The following HIPK3 variants were observed in gnomAD, a reference collection of about 807,000 sequenced individuals.
HIPK3 encodes the protein homeodomain-interacting protein kinase 3.
A neutral mutation model predicts 124.2 loss-of-function variants in HIPK3; 47 were observed. The ratio of observed to expected loss-of-function variants is 0.38; its 90% CI spans 0.30 to 0.48. The LOEUF (loss-of-function observed/expected upper bound fraction) is 0.48. Among genes scored for constraint, HIPK3 ranks in the 20% least tolerant of loss-of-function variants. The probability of loss-of-function intolerance (pLI) is 0.98; values close to 1 mark genes in which losing one functional copy is unlikely to be tolerated. For missense variants in HIPK3, 1,286 were observed against 1,454.3 expected (o/e 0.88, Z 1.88); for synonymous variants, 482 against 515.2 (o/e 0.94, Z 0.87).
In HIPK3 at chr11:33,347,667, C is replaced by A. The variant is rs1167826961; in HGVS notation, c.2058C>A (p.Ala686=). The A allele has an allele frequency of 3.7e-6, 6 of 1,614,138 alleles. No individual in the cohort carries two copies. The highest frequency in any genetic ancestry group is 5.1e-6 in the Non-Finnish European group (6 of 1,179,998). ...SGRTQQMLVP[A]WQQVTPLAPA... is the part of the protein sequence containing the mutation. ...GAACACAGCAGATGCTGGTGCCTGC[C>A]TGGCAACAGGTGACACCCCTGGCTC... The change falls in exon 10 of 17, where the codon GCC becomes GCA. Residue 686 remains alanine (A), a synonymous_variant. Coordinates refer to ENST00000303296, the MANE Select transcript of HIPK3 (RefSeq NM_005734.5).
chr11:33,280,694 G>A (rs2133891634), intron 1 of HIPK3, among the ~76,000 whole-genome samples: 2 of 152,268 alleles, frequency 1.3e-5, no homozygotes, highest in South Asian at 4.1e-4. Flanking sequence ...CTTCCAGCTT[G>A]GCATGTTGGG....
At chr11:33,257,019 G>A (rs1340673436), upstream of HIPK3, among the ~76,000 whole-genome samples, 5 of 152,168 alleles carry the variant, frequency 3.3e-5, no homozygotes, top group Non-Finnish European at 5.9e-5. Context: ...TCCTGCTTCC[G>A]CATCTTCATC....
chr11:33,268,591 C>CAAAAAAAAAAAA (rs35408664), intron 1 of HIPK3, among the ~76,000 whole-genome samples: 4 of 76,026 alleles, frequency 5.3e-5, no homozygotes, highest in Admixed American at 1.6e-4. Context: ...ACTCCGTCAC[C>CAAAAAAAAAAAA]AAAAAAAAAA....
At chr11:33,258,077 C>G (rs1472816383) in intron 1 of HIPK3, among the ~76,000 whole-genome samples, 188 bp downstream of exon 1, 1 of 152,130 alleles carries the variant, frequency 6.6e-6, no homozygotes, top group African/African-American at 2.4e-5. Context: ...AGTTTCCGCC[C>G]TAGCCCCTGC....
At chr11:33,288,937 A>G (rs548860374) in intron 2 of HIPK3, among the ~76,000 whole-genome samples, 12 of 152,150 alleles carry the variant, frequency 7.9e-5, no homozygotes, top group Non-Finnish European at 1.5e-4. Flanking sequence ...TGGGGGATAT[A>G]AATTTAGACC....
intron 2 of HIPK3, among the ~76,000 whole-genome samples, chr11:33,314,116 C>T (rs542290011): frequency 6.6e-6 from 1 of 152,260 alleles, no homozygotes; most frequent in South Asian, 2.1e-4. Flanking sequence ...GCCACTGCAC[C>T]TGGCTGAATA....
intron 1 of HIPK3, among the ~76,000 whole-genome samples, chr11:33,266,947 T>C (rs1850982100): frequency 1.3e-5 from 2 of 152,116 alleles, no homozygotes; most frequent in South Asian, 4.1e-4. Context: ...TTCTCTTGTT[T>C]TCTCGTGGTT....
At chr11:33,307,423 G>C (rs1387669129) in intron 2 of HIPK3, among the ~76,000 whole-genome samples, 1 of 134,716 alleles carries the variant, frequency 7.4e-6, no homozygotes, top group African/African-American at 2.9e-5. Context: ...TTTTGAGACA[G>C]AGTCTTGCTC....
chr11:33,267,021 T>A (rs1850984453), intron 1 of HIPK3, among the ~76,000 whole-genome samples: 1 of 152,218 alleles, frequency 6.6e-6, no homozygotes, highest in Non-Finnish European at 1.5e-5. Flanking sequence ...TTGCCCTTTC[T>A]AGCCATATTT....
intron 1 of HIPK3, among the ~76,000 whole-genome samples, chr11:33,270,805 TA>T (rs1489236591): frequency 6.6e-6 from 1 of 151,924 alleles, no homozygotes; most frequent in East Asian, 1.9e-4. Context: ...AAAAAAAGAA[TA>T]AAAAATGTGA....
intron 1 of HIPK3, among the ~76,000 whole-genome samples, chr11:33,262,231 A>G (rs765522206): frequency 6.6e-5 from 10 of 152,344 alleles, no homozygotes; most frequent in Non-Finnish European, 1.0e-4. Context: ...CTTGGTATGT[A>G]GTTAAGAGTG....
chr11:33,323,057 A>G (rs1472364863), intron 2 of HIPK3, among the ~76,000 whole-genome samples: 1 of 152,216 alleles, frequency 6.6e-6, no homozygotes, highest in Non-Finnish European at 1.5e-5. Context: ...GACAAAAAGT[A>G]GAAACAACCC....
Position 33,257,567 on chromosome 11 carries a change from C to T in HIPK3, c.-325C>T. ...GCCCGTAGGCCCCAGTAGCCGGAGG[C>T]CGACCGGCCTCCCACTACCCCTCGC... On this transcript the variant is annotated 5_prime_UTR_variant, in exon 1 of 17. Transcript: ENST00000303296. 1 of 985,788 alleles carries T rather than the reference C, an allele frequency of 1.0e-6. No homozygotes were observed. The highest frequency in any genetic ancestry group is 1.2e-6 in the Non-Finnish European group (1 of 830,132). 61.1% of individuals were successfully genotyped at this position (985,788 alleles called of 1,614,324 possible). A position where few individuals can be genotyped will look rare whatever the true frequency, so the allele number is the denominator to read the frequency against.
At chr11:33,312,518 A>G (rs747799773) in intron 2 of HIPK3, among the ~76,000 whole-genome samples, 2 of 152,192 alleles carry the variant, frequency 1.3e-5, no homozygotes, top group Non-Finnish European at 2.9e-5. Context: ...TGTTCATCGA[A>G]TACATCTTTA....
chr11:33,273,512 CAAAAAAAA>C (rs398015727), intron 1 of HIPK3, among the ~76,000 whole-genome samples: 2 of 48,036 alleles, frequency 4.2e-5, no homozygotes, highest in South Asian at 1.9e-3. Flanking sequence ...TCTGTCTCCA[CAAAAAAAA>C]AAAAAAAAAA....
chr11:33,356,925 C>T lies in HIPK3; in HGVS notation c.*3357C>T, dbSNP rs992005729. ...GCCTTCTGTACTTTGTCACAAAAAG[C>T]GGGTTTTCCAGGTGACTATTTTGGT... On this transcript the variant is annotated 3_prime_UTR_variant, in exon 17 of 17. Coordinates refer to ENST00000303296, the MANE Select transcript of HIPK3 (RefSeq NM_005734.5). The T allele has an allele frequency of 1.3e-5, 2 of 151,990 alleles. No homozygotes were observed. The highest frequency in any genetic ancestry group is 2.9e-5 in the Non-Finnish European group (2 of 67,940). 9.4% of individuals were successfully genotyped at this position (151,990 alleles called of 1,614,324 possible).
intron 2 of HIPK3, among the ~76,000 whole-genome samples, chr11:33,306,938 CT>C (rs371207899): frequency 0.012 from 1,659 of 136,634 alleles, 6 homozygotes; most frequent in Non-Finnish European, 0.018. Context: ...GATGCATCCA[CT>C]TTTTTTTTTT....
Position 33,355,196 on chromosome 11 carries a change from G to A in HIPK3, c.*1628G>A, listed in dbSNP as rs1853784346. 6.6e-6 allele frequency: 1 copy of A among 152,018 alleles called. No individual in the cohort carries two copies. The highest frequency in any genetic ancestry group is 2.4e-5 in the African/African-American group (1 of 41,424). 9.4% of individuals were successfully genotyped at this position (152,018 alleles called of 1,614,324 possible). Reference sequence around the variant, plus strand: ...AAGTCTAATTACATGAATAGAAATTGGGGTTTTGATTTTTTACTTTGCTTT... The same window carrying A: ...AAGTCTAATTACATGAATAGAAATTAGGGTTTTGATTTTTTACTTTGCTTT... On this transcript the variant is annotated 3_prime_UTR_variant, in exon 17 of 17. Coordinates refer to ENST00000303296, the MANE Select transcript of HIPK3 (RefSeq NM_005734.5).
At chr11:33,339,216 T>G in intron 5 of HIPK3, 134 bp from the exon 6 acceptor site, 1 of 606,264 alleles carries the variant, frequency 1.6e-6, no homozygotes. Context: ...TATTTGTTCT[T>G]CTTTGTTTTA....
Sources: gnomAD v4.1 joint callset for allele counts (sites outside exome capture counted in the v4.1 genomes callset) on GRCh38, gnomAD v4.1.1 for gene constraint, MANE v1.5 for transcripts, NCBI Gene and HGNC (gene_info 2026-07-23, HGNC 2026-07-21) for gene names.